Variants in ZNF177 observed in about 807,000 individuals in gnomAD.
The protein encoded by ZNF177 is zinc finger protein 177.
In ZNF177, 17 loss-of-function variants were observed where a neutral mutation model predicts 19.4. That is an observed-to-expected ratio of 0.87 (90% CI 0.60 to 1.31). The LOEUF (loss-of-function observed/expected upper bound fraction) is 1.31, where lower values mean the gene tolerates loss of function less well. Among genes scored for constraint, ZNF177 ranks in the 40% most tolerant of loss-of-function variants. The pLI is 0.00. For missense variants in ZNF177, 633 were observed against 561.8 expected (o/e 1.13, Z -1.28); for synonymous variants, 220 against 188.7 (o/e 1.17, Z -1.36).
At chr19:9,368,039 T>C (rs1057347779) in intron 2 of ZNF177, among the ~76,000 whole-genome samples, 1 of 152,232 alleles carries the variant, frequency 6.6e-6, no homozygotes, top group Non-Finnish European at 1.5e-5. Flanking sequence ...GAATTCTTTC[T>C]TCTTTGAGTG....
At chr19:9,379,450 C>G in intron 3 of ZNF177, 77 bp from the exon 6 acceptor site, 1 of 1,518,630 alleles carries the variant, frequency 6.6e-7, no homozygotes, top group Non-Finnish European at 8.9e-7. Flanking sequence ...TAGTTAAAGC[C>G]AAAGTATGGC....
At chr19:9,364,789 G>C (rs1042321332) in intron 1 of ZNF177, 73 bp from the exon 2 acceptor site, 1 of 152,192 alleles carries the variant, frequency 6.6e-6, no homozygotes, top group Non-Finnish European at 1.5e-5. Flanking sequence ...TTGCGTCGAG[G>C]GGGAGGTTCG....
downstream of ZNF177, chr19:9,382,576 C>T: frequency 2.5e-6 from 1 of 394,796 alleles, no homozygotes. Flanking sequence ...TCAGTCCCAA[C>T]TGTTACATCT....
chr19:9,363,218 G>A (rs2067928670), intron 1 of ZNF177, 134 bp downstream of exon 1: 1 of 152,390 alleles, frequency 6.6e-6, no homozygotes, highest in Non-Finnish European at 1.5e-5. Context: ...TCTTCTCAGA[G>A]GCCGCCGGCT....
chr19:9,363,566 A>G (rs2067936240), intron 1 of ZNF177, among the ~76,000 whole-genome samples: 1 of 151,734 alleles, frequency 6.6e-6, no homozygotes, highest in Non-Finnish European at 1.5e-5. Context: ...GTTTTTTCGT[A>G]TTTGTGGACT....
intron 1 of ZNF177, among the ~76,000 whole-genome samples, chr19:9,363,743 C>G (rs921908551): frequency 2.0e-5 from 3 of 152,126 alleles, no homozygotes; most frequent in Non-Finnish European, 4.4e-5. Flanking sequence ...TTCAGTTTAC[C>G]TGTAGTTTCT....
intron 3 of ZNF177, 73 bp from the exon 6 acceptor site, chr19:9,379,454 G>C (rs2068158032): frequency 6.5e-6 from 10 of 1,529,900 alleles, no homozygotes; most frequent in Non-Finnish European, 8.8e-6. Context: ...TAAAGCCAAA[G>C]TATGGCAATC....
intron 4 of ZNF177, 110 bp downstream of exon 6, chr19:9,379,729 C>G (rs1438427737): frequency 7.8e-7 from 1 of 1,280,980 alleles, no homozygotes; most frequent in Admixed American, 2.6e-5. Context: ...GAGCTTCCTT[C>G]CTGTTTCACC....
At chr19:9,372,540 CTTTTTTT>C (rs61321271), upstream of ZNF177, among the ~76,000 whole-genome samples, 53 of 84,584 alleles carry the variant, frequency 6.3e-4, no homozygotes, top group African/African-American at 8.9e-4. Context: ...CTTTCTTTTC[CTTTTTTT>C]TTTTTTTTTT....
intron 2 of ZNF177, among the ~76,000 whole-genome samples, chr19:9,369,338 A>G (rs2068019003): frequency 1.3e-5 from 2 of 152,082 alleles, no homozygotes; most frequent in African/African-American, 4.8e-5. Context: ...ATATCTTCCT[A>G]ATTGGTACTT....
chr19:9,381,060 T>TA lies in ZNF177; in HGVS notation c.730dup (p.Ser244LysfsTer8), dbSNP rs771843557. 20 of 1,607,344 alleles carry TA rather than the reference T, an allele frequency of 1.2e-5. No individual in the cohort carries two copies. Among genetic ancestry groups the TA allele is most frequent in the East Asian group, 2.2e-5 (1 of 44,862 alleles). On this transcript the variant is annotated frameshift_variant, in exon 6 of 6. Coordinates refer to ENST00000589262, the Ensembl canonical transcript of ZNF177. LOFTEE classifies it low-confidence loss of function (END_TRUNC). ...GTGACTATGGCAAAATATCTCCCCT[T>TA]AGTGTCCACACAAAAACTGGTAGTG... is the stretch of plus-strand genomic sequence containing the variant.
chr19:9,363,287 A>T (rs925402410), intron 1 of ZNF177: 1 of 152,278 alleles, frequency 6.6e-6, no homozygotes, highest in African/African-American at 2.4e-5. Context: ...GGTTCCCGGG[A>T]GGAGGCAAGT....
At chr19:9,364,574 C>G (rs1050562556) in intron 1 of ZNF177, among the ~76,000 whole-genome samples, 22 of 152,128 alleles carry the variant, frequency 1.4e-4, no homozygotes, top group Admixed American at 7.9e-4. Flanking sequence ...GTAAGGAAAA[C>G]TAGTGTGCAT....
At chr19:9,379,301 G>A in intron 3 of ZNF177, 1 of 1,073,104 alleles carries the variant, frequency 9.3e-7, no homozygotes, top group South Asian at 1.9e-5. Flanking sequence ...TGCAATCTGT[G>A]TCTCATCTTG....
chr19:9,381,461 T>C, exon 6 of ZNF177: 1 of 1,611,644 alleles, frequency 6.2e-7, no homozygotes, highest in Non-Finnish European at 8.5e-7. Context: ...GGAAAAGCCT[T>C]CATCGATCAG....
At chr19:9,382,052 A>G (rs1344247845) in exon 6 of ZNF177, 3 of 454,300 alleles carry the variant, frequency 6.6e-6, no homozygotes, top group African/African-American at 6.0e-5. Context: ...GGTCTTCAAT[A>G]TGTAGATTCT....
chr19:9,382,357 G>T (rs2068215243), downstream of ZNF177: 1 of 398,946 alleles, frequency 2.5e-6, no homozygotes, highest in East Asian at 3.6e-5. Flanking sequence ...TTAACTATTT[G>T]CCCTTTGTCT....
chr19:9,379,193 C>A, intron 3 of ZNF177, 105 bp downstream of exon 5: 1 of 1,442,490 alleles, frequency 6.9e-7, no homozygotes. Context: ...TGGTTAACCC[C>A]AAAATGAATG....
rs572247955 is a variant in ZNF177, at chr19:9,379,654, C to G, written c.253+35C>G. ...GGGCAGAACAGGGTGCAGCCTTGGC[C>G]AGTGAGGGTTAGTACATTTGGGAAT... On this transcript the variant is annotated intron_variant, in intron 4 of 5. Coordinates refer to ENST00000589262, the Ensembl canonical transcript of ZNF177. The G allele has an allele frequency of 2.1e-5, 34 of 1,606,506 alleles. 1 individual carries two copies. In the South Asian group the frequency reaches 3.8e-4, roughly 18 times the overall value.
Sources: gnomAD v4.1 joint callset for allele counts (sites outside exome capture counted in the v4.1 genomes callset) on GRCh38, gnomAD v4.1.1 for gene constraint, MANE v1.5 for transcripts, NCBI Gene and HGNC (gene_info 2026-07-23, HGNC 2026-07-21) for gene names.